The following STX8 variants were observed in gnomAD, a reference collection of about 807,000 sequenced individuals.
STX8 encodes the protein syntaxin 8, also known as syntaxin-8.
Under a neutral mutation model 37.5 loss-of-function variants are expected in STX8, and 23 were observed. The ratio of observed to expected loss-of-function variants is 0.61; its 90% confidence interval spans 0.44 to 0.87. The LOEUF is 0.87. STX8 is among the 40% of genes least tolerant of loss of function. The pLI is 0.00. For synonymous variants in STX8, 115 were observed against 99.1 expected (o/e 1.16, Z -0.95); for missense variants, 313 against 284.7 (o/e 1.10, Z -0.71).
intron 7 of STX8, among the ~76,000 whole-genome samples, chr17:9,310,203 A>T (rs1028901326): frequency 1.3e-5 from 2 of 152,156 alleles, no homozygotes; most frequent in Non-Finnish European, 2.9e-5. Flanking sequence ...TGATAACCAA[A>T]ATCCTAATAA....
At chr17:9,323,496 A>G (rs1909645697) in intron 7 of STX8, among the ~76,000 whole-genome samples, 1 of 152,188 alleles carries the variant, frequency 6.6e-6, no homozygotes, top group Admixed American at 6.5e-5. Flanking sequence ...AGGCAAAGGA[A>G]AGTGAGAAAG....
chr17:9,331,808 A>G (rs1032186149), intron 7 of STX8, among the ~76,000 whole-genome samples: 4 of 152,122 alleles, frequency 2.6e-5, no homozygotes, highest in African/African-American at 9.7e-5. Flanking sequence ...TCCTTCTGCA[A>G]TTCTTTGCTT....
intron 7 of STX8, among the ~76,000 whole-genome samples, chr17:9,365,577 T>C (rs1911204319): frequency 6.6e-6 from 1 of 152,234 alleles, no homozygotes; most frequent in African/African-American, 2.4e-5. Context: ...GATGTGGAAC[T>C]GTGAGTTACC....
intron 6 of STX8, chr17:9,437,707 T>TA (rs1904484511): frequency 1.3e-5 from 2 of 152,186 alleles, no homozygotes; most frequent in Non-Finnish European, 2.9e-5. Context: ...AGGCCTTATA[T>TA]CTATAAGCAA....
intron 6 of STX8, among the ~76,000 whole-genome samples, chr17:9,449,943 G>T (rs1027238980): frequency 4.0e-5 from 6 of 151,604 alleles, no homozygotes; most frequent in Admixed American, 3.9e-4. Context: ...ACATAGTGAG[G>T]CCCCGTCTCA....
chr17:9,425,780 G>A (rs1346076334), intron 6 of STX8, among the ~76,000 whole-genome samples: 1 of 152,134 alleles, frequency 6.6e-6, no homozygotes, highest in South Asian at 2.1e-4. Context: ...ATCTGAAATA[G>A]TCCACTAATG....
In STX8 at chr17:9,569,112, G is replaced by A. The variant is rs575420036; in HGVS notation, c.18-642C>T. On this transcript the variant is annotated intron_variant, in intron 1 of 7. Coordinates refer to ENST00000306357, the MANE Select transcript of STX8 (RefSeq NM_004853.3). ...ACCAAGGCCGTCTGGCCCCAGAGCC[G>A]GGGCTCTTAACAACTGTGCTGTTCT... 3.3e-5 allele frequency among the ~76,000 whole-genome samples: 5 copies of A among 152,300 alleles called. No individual in the cohort carries two copies. The South Asian group carries it at 1.0e-3, about 32-fold the overall frequency.
chr17:9,340,893 G>A (rs1291217451), intron 7 of STX8, among the ~76,000 whole-genome samples: 1 of 150,240 alleles, frequency 6.7e-6, no homozygotes, highest in Middle Eastern at 3.4e-3. Context: ...CCGACCTCAG[G>A]TGATCTGCCT....
chr17:9,390,461 G>A (rs988613846), intron 6 of STX8, among the ~76,000 whole-genome samples: 2 of 151,746 alleles, frequency 1.3e-5, no homozygotes, highest in African/African-American at 4.8e-5. Flanking sequence ...GGCAGAGGTT[G>A]CAGTGAGCTG....
Position 9,423,112 on chromosome 17 carries a change from T to C in STX8, c.542-44459A>G, listed in dbSNP as rs188576454. ...CCATAAATAAGTGCATATATACATA[T>C]CTGGGTAACACTTTCCCCAGAATCA... On this transcript the variant is annotated intron_variant, in intron 6 of 7. Transcript: ENST00000306357. Among the ~76,000 whole-genome samples the C allele has an allele frequency of 4.1e-4, 62 of 152,350 alleles. 1 individual carries two copies. Among genetic ancestry groups the C allele is most frequent in the African/African-American group, 1.5e-3 (62 of 41,584 alleles).
chr17:9,471,177 A>C, intron 6 of STX8, among the ~76,000 whole-genome samples: 1 of 103,826 alleles, frequency 9.6e-6, no homozygotes, highest in Non-Finnish European at 1.8e-5. Context: ...TTTTTGAGAC[A>C]GTCTCACTCT....
intron 7 of STX8, among the ~76,000 whole-genome samples, chr17:9,297,099 G>A (rs959492668): frequency 4.6e-5 from 7 of 151,894 alleles, no homozygotes; most frequent in East Asian, 1.9e-4. Context: ...CATTTGGCAT[G>A]GTGTCCAATG....
At chr17:9,352,331 C>CGA (rs1910733791) in intron 7 of STX8, among the ~76,000 whole-genome samples, 1 of 151,872 alleles carries the variant, frequency 6.6e-6, no homozygotes, top group South Asian at 2.1e-4. Flanking sequence ...CATATCTTTT[C>CGA]ACCCAATAGT....
intron 6 of STX8, chr17:9,437,717 A>G (rs1031604622): frequency 6.6e-6 from 1 of 152,216 alleles, no homozygotes; most frequent in African/African-American, 2.4e-5. Flanking sequence ...TCTATAAGCA[A>G]TTCAGTGTCT....
chr17:9,348,367 G>C (rs569960850), intron 7 of STX8, among the ~76,000 whole-genome samples: 2 of 146,098 alleles, frequency 1.4e-5, no homozygotes, highest in African/African-American at 2.5e-5. Flanking sequence ...GCAATGAGCC[G>C]AGATTGCGCC....
chr17:9,411,238 C>G (rs1489875639), intron 6 of STX8, among the ~76,000 whole-genome samples: 1 of 152,182 alleles, frequency 6.6e-6, no homozygotes, highest in Non-Finnish European at 1.5e-5. Context: ...TTCTCTCTGA[C>G]CTATACTAGC....
chr17:9,403,511 C>A (rs758692618), intron 6 of STX8, among the ~76,000 whole-genome samples: 12 of 152,064 alleles, frequency 7.9e-5, no homozygotes, highest in Non-Finnish European at 1.5e-4. Context: ...AGGAGGAAGT[C>A]AACAGATGTC....
chr17:9,451,474 C>T (rs977705406), intron 6 of STX8, among the ~76,000 whole-genome samples: 1 of 152,080 alleles, frequency 6.6e-6, no homozygotes, highest in Non-Finnish European at 1.5e-5. Flanking sequence ...AAAATGGTAC[C>T]TCTGATGTAG....
In STX8 at chr17:9,539,304, TG is replaced by T. The variant is rs556192038; in HGVS notation, c.323+5867del. On this transcript the variant is annotated intron_variant, in intron 4 of 7. Coordinates refer to ENST00000306357, the MANE Select transcript of STX8 (RefSeq NM_004853.3). ...TGGAAAGGCCCTCGGGAATGAGGGA[TG>T]GGGAAGAAAGAGAGGAAAAGAGCGT... is the stretch of plus-strand genomic sequence containing the variant. 7.1e-4 allele frequency among the ~76,000 whole-genome samples: 107 copies of T among 151,764 alleles called. 1 individual carries two copies. Among genetic ancestry groups the T allele is most frequent in the African/African-American group, 2.5e-3 (103 of 41,290 alleles).
Sources: allele counts gnomAD v4.1 joint callset (sites outside exome capture counted in the v4.1 genomes callset), GRCh38; gene constraint gnomAD v4.1.1; transcripts MANE v1.5; gene names NCBI Gene and HGNC (gene_info 2026-07-23, HGNC 2026-07-21).